The following SLC49A4 variants were observed in gnomAD, a reference collection of about 807,000 sequenced individuals.
SLC49A4 encodes the protein solute carrier family 49 member 4.
In SLC49A4, 36 loss-of-function variants were observed where a neutral mutation model predicts 50.6. The observed-to-expected ratio is 0.71, with a 90% CI of 0.55 to 0.94. SLC49A4 has a LOEUF of 0.94. Among genes scored for constraint, SLC49A4 ranks in the 40% least tolerant of loss-of-function variants. The pLI, the probability that SLC49A4 is intolerant of heterozygous loss-of-function variation, is 0.00. For synonymous variants in SLC49A4, 248 were observed against 241.2 expected, an observed-to-expected ratio of 1.03 and a Z score of -0.26; for missense variants, 503 against 605.7, an observed-to-expected ratio of 0.83 and a Z score of 1.78.
chr3:122,843,271 A>G (rs1486326668), intron 4 of SLC49A4, among the ~76,000 whole-genome samples: 1 of 97,564 alleles, frequency 1.0e-5, no homozygotes, highest in Non-Finnish European at 2.6e-5. Context: ...AAGGTAGAAT[A>G]GTATAACCCC....
chr3:122,860,311 T>A, intron 7 of SLC49A4, 109 bp downstream of exon 7: 1 of 1,141,404 alleles, frequency 8.8e-7, no homozygotes, highest in Non-Finnish European at 1.2e-6. Context: ...TTGTTAAATA[T>A]ACAAAAAAGT....
At chr3:122,846,400 A>G (rs754052048) in intron 5 of SLC49A4, among the ~76,000 whole-genome samples, 2 of 151,940 alleles carry the variant, frequency 1.3e-5, no homozygotes, top group African/African-American at 4.8e-5. Flanking sequence ...GTGATATTCT[A>G]TTGTATGAGT....
chr3:122,856,891 C>T (rs1936996860), intron 6 of SLC49A4, among the ~76,000 whole-genome samples: 1 of 151,806 alleles, frequency 6.6e-6, no homozygotes, highest in African/African-American at 2.4e-5. Flanking sequence ...TGGAGTATCC[C>T]TTCCTCAAGT....
chr3:122,862,307 G>A (rs929220411), intron 7 of SLC49A4, among the ~76,000 whole-genome samples: 7 of 152,058 alleles, frequency 4.6e-5, no homozygotes, highest in African/African-American at 7.2e-5. Context: ...TTACTGAGAC[G>A]CTAGGAGTGC....
chr3:122,810,437 G>A (rs146993107), intron 2 of SLC49A4, among the ~76,000 whole-genome samples: 3 of 152,044 alleles, frequency 2.0e-5, no homozygotes, highest in Admixed American at 1.3e-4. Context: ...TGCAATGAGC[G>A]CTATTACTCT....
intron 2 of SLC49A4, among the ~76,000 whole-genome samples, chr3:122,813,501 C>T (rs1170164908): frequency 1.3e-5 from 2 of 152,052 alleles, no homozygotes; most frequent in Non-Finnish European, 2.9e-5. Flanking sequence ...CCTGCGTGCC[C>T]CTTCCTGCTC....
chr3:122,874,555 T>C (rs1302932605), intron 8 of SLC49A4, among the ~76,000 whole-genome samples: 2 of 152,116 alleles, frequency 1.3e-5, no homozygotes, highest in African/African-American at 4.8e-5. Context: ...AGTTTCCACC[T>C]AAACTTTGTG....
At chr3:122,850,241 C>T (rs934234138) in intron 5 of SLC49A4, among the ~76,000 whole-genome samples, 30 of 152,230 alleles carry the variant, frequency 2.0e-4, no homozygotes, top group Admixed American at 2.0e-4. Context: ...TAGGAATGCT[C>T]CTTTTTCTAG....
intron 2 of SLC49A4, among the ~76,000 whole-genome samples, chr3:122,809,844 A>G (rs1936274987): frequency 6.6e-6 from 1 of 152,366 alleles, no homozygotes; most frequent in South Asian, 2.1e-4. Flanking sequence ...ACATTCATCT[A>G]TAAAGAATAC....
At chr3:122,865,566 G>A (rs35399710) in intron 7 of SLC49A4, among the ~76,000 whole-genome samples, 36,765 of 152,064 alleles carry the variant, frequency 0.24, 4,929 homozygotes, top group East Asian at 0.48. Context: ...TGTATTCTAT[G>A]TATTCAGCAC....
intron 3 of SLC49A4, among the ~76,000 whole-genome samples, chr3:122,832,439 C>T (rs1053621073): frequency 2.0e-5 from 3 of 152,142 alleles, no homozygotes; most frequent in African/African-American, 4.8e-5. Context: ...TCTACATTAG[C>T]TAGTCTTGTG....
intron 2 of SLC49A4, among the ~76,000 whole-genome samples, chr3:122,814,530 A>G (rs1272539042): frequency 6.6e-6 from 1 of 152,222 alleles, no homozygotes; most frequent in Non-Finnish European, 1.5e-5. Flanking sequence ...CATCATTTAA[A>G]TGTATAATTC....
chr3:122,830,078 A>AATAGC (rs1936588256), intron 3 of SLC49A4, among the ~76,000 whole-genome samples: 1 of 152,246 alleles, frequency 6.6e-6, no homozygotes, highest in South Asian at 2.1e-4. Flanking sequence ...TTCAATTTGC[A>AATAGC]ATAGCATCAA....
chr3:122,874,541 A>C (rs1235304880), intron 8 of SLC49A4, among the ~76,000 whole-genome samples: 2 of 152,036 alleles, frequency 1.3e-5, no homozygotes, highest in Admixed American at 1.3e-4. Context: ...TGTAGATGTT[A>C]AAAAGTTTCC....
At chr3:122,854,429 A>C (rs914086239) in intron 5 of SLC49A4, among the ~76,000 whole-genome samples, 1 of 152,240 alleles carries the variant, frequency 6.6e-6, no homozygotes, top group Non-Finnish European at 1.5e-5. Flanking sequence ...AGCGTGTGTA[A>C]TCTAGGACAG....
At chr3:122,869,521 T>G (rs1937167635) in intron 7 of SLC49A4, among the ~76,000 whole-genome samples, 1 of 152,198 alleles carries the variant, frequency 6.6e-6, no homozygotes, top group South Asian at 2.1e-4. Context: ...TCACACTGTA[T>G]TTTTTTGGAT....
intron 4 of SLC49A4, among the ~76,000 whole-genome samples, chr3:122,838,257 G>A (rs1300509918): frequency 3.3e-5 from 5 of 152,120 alleles, no homozygotes; most frequent in African/African-American, 7.2e-5. Flanking sequence ...ACATGCAAAC[G>A]TATGTTTATG....
At chr3:122,844,080 A>C (rs1017081872) in intron 4 of SLC49A4, among the ~76,000 whole-genome samples, 1 of 152,222 alleles carries the variant, frequency 6.6e-6, no homozygotes, top group Non-Finnish European at 1.5e-5. Flanking sequence ...TCTTTGGAAA[A>C]CAGACCCTGT....
At chr3:122,802,487 T>G (rs1936147117) in intron 1 of SLC49A4, among the ~76,000 whole-genome samples, 1 of 152,178 alleles carries the variant, frequency 6.6e-6, no homozygotes, top group South Asian at 2.1e-4. Flanking sequence ...AGAGGATACA[T>G]GTGAGGAAAT....
Sources: gnomAD v4.1 joint callset for allele counts (sites outside exome capture counted in the v4.1 genomes callset) on GRCh38, gnomAD v4.1.1 for gene constraint, MANE v1.5 for transcripts, NCBI Gene and HGNC (gene_info 2026-07-23, HGNC 2026-07-21) for gene names.